Variants in MZT1 observed in about 807,000 individuals in gnomAD.
MZT1 encodes the protein mitotic-spindle organizing protein 1.
MZT1 carries 8 observed loss-of-function variants against 8.5 expected under a neutral mutation model. The ratio of observed to expected loss-of-function variants is 0.94; its 90% confidence interval spans 0.55 to 1.70. MZT1 has a LOEUF of 1.70. Among genes scored for constraint, MZT1 ranks in the 40% most tolerant of loss-of-function variants. MZT1 has a pLI of 0.00. For synonymous variants in MZT1, 38 were observed against 42.0 expected, an observed-to-expected ratio of 0.90 and a Z score of 0.37; for missense variants, 93 against 108.6, an observed-to-expected ratio of 0.86 and a Z score of 0.64.
At position 72,710,115 on chromosome 13, in the gene MZT1, A is replaced by G. The variant is rs2032473962; in HGVS notation, c.*207T>C. Reference sequence around the variant, plus strand: ...GCATTAGAGCTGTTAAAAAAAGTGAATAAGATGTGATGTAAACACATCTGA... The same window carrying G: ...GCATTAGAGCTGTTAAAAAAAGTGAGTAAGATGTGATGTAAACACATCTGA... On this transcript the variant is annotated 3_prime_UTR_variant, in exon 3 of 3. Transcript: ENST00000377818. 3 of 553,050 alleles carry G rather than the reference A, an allele frequency of 5.4e-6. No individual in the cohort carries two copies. The highest frequency in any genetic ancestry group is 9.7e-6 in the Non-Finnish European group (3 of 309,726). The allele number at this position is 553,050 out of a possible 1,614,324, so 34.3% of individuals were successfully genotyped here. A position where few individuals can be genotyped will look rare whatever the true frequency, so the allele number is the denominator to read the frequency against.
At chr13:72,714,275 G>A (rs923440278) in intron 2 of MZT1, among the ~76,000 whole-genome samples, 3 of 152,220 alleles carry the variant, frequency 2.0e-5, no homozygotes, top group African/African-American at 7.2e-5. Context: ...TGTTCAACAT[G>A]TTGCATGGCT....
chr13:72,726,194 C>T (rs530845191), intron 1 of MZT1, among the ~76,000 whole-genome samples: 189 of 152,256 alleles, frequency 1.2e-3, no homozygotes, highest in African/African-American at 4.3e-3. Context: ...TTTTGGGAGG[C>T]CGAGGCATGT....
intron 2 of MZT1, among the ~76,000 whole-genome samples, chr13:72,716,789 C>G (rs917526594): frequency 6.6e-6 from 1 of 152,138 alleles, no homozygotes; most frequent in Non-Finnish European, 1.5e-5. Flanking sequence ...CCAATCTGAG[C>G]AATTAAAACG....
intron 2 of MZT1, among the ~76,000 whole-genome samples, chr13:72,714,603 C>G (rs974126740): frequency 2.0e-5 from 3 of 152,216 alleles, no homozygotes; most frequent in Non-Finnish European, 4.4e-5. Flanking sequence ...TTTTATGGGC[C>G]AGGCTCAGGG....
In MZT1 at chr13:72,727,537, C is replaced by T. The variant is rs748414458; in HGVS notation, c.66G>A (p.Arg22=). Residue 22 remains arginine, a synonymous_variant, in exon 1 of 3, where the codon CGG becomes CGA. Transcript: ENST00000377818. Reference sequence around the variant, plus strand: ...ACGGAAACTCACCGTCCATGGTCTCCCGCACCGCATTCAGATTCGCCGCCG... The same window carrying T: ...ACGGAAACTCACCGTCCATGGTCTCTCGCACCGCATTCAGATTCGCCGCCG... ...AAAAANLNAV[R]ETMDVLLEIS... The T allele has an allele frequency of 6.2e-7, 1 of 1,613,414 alleles. No homozygotes were observed. The highest frequency in any genetic ancestry group is 1.3e-5 in the African/African-American group (1 of 75,052).
chr13:72,723,313 G>A (rs1213853365), intron 1 of MZT1, among the ~76,000 whole-genome samples: 1 of 151,916 alleles, frequency 6.6e-6, no homozygotes, highest in East Asian at 1.9e-4. Context: ...TTCACAAATC[G>A]CCTGTAATCA....
Position 72,710,349 on chromosome 13 carries a change from GA to G in MZT1, c.226-5del, listed in dbSNP as rs780543891. 10 of 1,612,838 alleles carry G rather than the reference GA, an allele frequency of 6.2e-6. No individual in the cohort carries two copies. The highest frequency in any genetic ancestry group is 7.6e-6 in the Non-Finnish European group (9 of 1,179,176). ...AGCTTGTCATATTTTCAGCAGCCTA[GA>G]ACAAGAAAGTAAGATTCATTACAAT... On this transcript the variant is annotated splice_polypyrimidine_tract_variant and splice_region_variant and intron_variant, in intron 2 of 2. Transcript: ENST00000377818.
In MZT1 at chr13:72,712,386, T is replaced by G. The variant is rs1320701843; in HGVS notation, c.226-2041A>C. On this transcript the variant is annotated intron_variant, in intron 2 of 2. Transcript: ENST00000377818. ...CCAAGGCAGTCTTAAACTCCTGGCC[T>G]GAAGTGATCCTTCTGCTTTGGCCTC... Among the ~76,000 whole-genome samples, 3 of 152,236 alleles carry G rather than the reference T, an allele frequency of 2.0e-5. No homozygotes were observed. In the East Asian group the frequency reaches 5.8e-4, roughly 29 times the overall value.
In MZT1 at chr13:72,719,086, T is replaced by C; in HGVS notation, c.91A>G (p.Ile31Val). ...AAGCCAGTATTCAAAATTCTTGAAA[T>C]CTCAAGCAGAACTGAAAAAAGATAC... ...VRETMDVLLE[I>V]SRILNTGLDM... Residue 31 changes from isoleucine to valine, a missense_variant, in exon 2 of 3, where the codon ATT (isoleucine) becomes GTT (valine). Transcript: ENST00000377818. 1 of 1,516,024 alleles carries C rather than the reference T, an allele frequency of 6.6e-7. No homozygotes were observed. Among genetic ancestry groups the C allele is most frequent in the Non-Finnish European group, 8.7e-7 (1 of 1,144,666 alleles). The allele number at this position is 1,516,024 out of a possible 1,614,324, so 93.9% of individuals were successfully genotyped here.
At position 72,710,263 on chromosome 13, in the gene MZT1, T is replaced by C; in HGVS notation, c.*59A>G. The C allele has an allele frequency of 4.5e-6, 7 of 1,566,794 alleles. No individual in the cohort carries two copies. The highest frequency in any genetic ancestry group is 4.4e-6 in the Non-Finnish European group (5 of 1,139,640). On this transcript the variant is annotated 3_prime_UTR_variant, in exon 3 of 3. Coordinates refer to ENST00000377818, the MANE Select transcript of MZT1 (RefSeq NM_001071775.3). ...TTTCATTGTACATTCTCAACTACAA[T>C]GCAATCTTCAAACCCTCTTGCAGAG...
intron 2 of MZT1, among the ~76,000 whole-genome samples, chr13:72,710,612 C>T (rs556295966): frequency 9.3e-4 from 142 of 152,246 alleles, no homozygotes; most frequent in African/African-American, 3.2e-3. Context: ...CATACTGCTA[C>T]TTGAAACATT....
intron 1 of MZT1, among the ~76,000 whole-genome samples, chr13:72,723,180 GC>G (rs1389435277): frequency 6.6e-6 from 1 of 152,102 alleles, no homozygotes; most frequent in Non-Finnish European, 1.5e-5. Context: ...CTTTGTTCTT[GC>G]TTTTCTCCTC....
intron 1 of MZT1, among the ~76,000 whole-genome samples, chr13:72,721,857 C>G (rs2032596447): frequency 6.6e-6 from 1 of 152,170 alleles, no homozygotes; most frequent in Non-Finnish European, 1.5e-5. Flanking sequence ...GATGACAGCT[C>G]TTCCCATTTT....
chr13:72,720,464 A>G (rs1296594235), intron 1 of MZT1, among the ~76,000 whole-genome samples: 2 of 152,242 alleles, frequency 1.3e-5, no homozygotes, highest in Non-Finnish European at 2.9e-5. Flanking sequence ...GGAAGAATGG[A>G]CAAGTTATCA....
chr13:72,724,774 G>A (rs975374874), intron 1 of MZT1, among the ~76,000 whole-genome samples: 4 of 123,920 alleles, frequency 3.2e-5, no homozygotes, highest in South Asian at 2.7e-4. Context: ...GCTACAGGCC[G>A]GGCACAGTGG....
intron 2 of MZT1, among the ~76,000 whole-genome samples, chr13:72,710,809 C>T (rs76278755): frequency 0.013 from 1,911 of 152,128 alleles, 47 homozygotes; most frequent in African/African-American, 0.044. Flanking sequence ...CTACTCTTTC[C>T]CAGGTGATTC....
Position 72,710,280 on chromosome 13 carries a change from C to G in MZT1, c.*42G>C, listed in dbSNP as rs768264117. Reference sequence around the variant, plus strand: ...AACTACAATGCAATCTTCAAACCCTCTTGCAGAGCTTGACATATCTCATCA... The same window carrying G: ...AACTACAATGCAATCTTCAAACCCTGTTGCAGAGCTTGACATATCTCATCA... On this transcript the variant is annotated 3_prime_UTR_variant, in exon 3 of 3. Transcript: ENST00000377818. The G allele has an allele frequency of 1.2e-6, 2 of 1,606,422 alleles. No individual in the cohort carries two copies. The highest frequency in any genetic ancestry group is 2.2e-5 in the South Asian group (2 of 90,828).
chr13:72,715,940 G>A (rs780426349), intron 2 of MZT1, among the ~76,000 whole-genome samples: 13 of 151,736 alleles, frequency 8.6e-5, no homozygotes, highest in Non-Finnish European at 1.3e-4. Context: ...TTTTTAAGAG[G>A]AAGTCTTCCT....
At position 72,713,899 on chromosome 13, in the gene MZT1, T is replaced by C. The variant is rs551782425; in HGVS notation, c.226-3554A>G. Among the ~76,000 whole-genome samples, 20 of 152,324 alleles carry C rather than the reference T, an allele frequency of 1.3e-4. 1 individual carries two copies. The highest frequency in any genetic ancestry group is 1.1e-3 in the Admixed American group (17 of 15,302). On this transcript the variant is annotated intron_variant, in intron 2 of 2. Transcript: ENST00000377818. ...TAATGCCAGTAAAGCCTGTAGAACA[T>C]ACGGTCTGGCATGAGAAAAGTATTC...
Sources: gnomAD v4.1 joint callset for allele counts (sites outside exome capture counted in the v4.1 genomes callset) on GRCh38, gnomAD v4.1.1 for gene constraint, MANE v1.5 for transcripts, NCBI Gene and HGNC (gene_info 2026-07-23, HGNC 2026-07-21) for gene names.